Variants in DELE1 observed in about 807,000 individuals in gnomAD.
The protein encoded by DELE1 is DAP3 binding cell death enhancer 1.
A neutral mutation model predicts 59.3 loss-of-function variants in DELE1; 54 were observed. That is an observed-to-expected ratio of 0.91 (90% CI 0.73 to 1.14). The LOEUF (loss-of-function observed/expected upper bound fraction) is 1.14, where lower values mean the gene tolerates loss of function less well. Among genes scored for constraint, DELE1 ranks in the 50% most tolerant of loss-of-function variants. The probability of loss-of-function intolerance (pLI) is 0.00; values close to 1 mark genes in which losing one functional copy is unlikely to be tolerated. For missense variants in DELE1, 636 were observed against 643.9 expected, an observed-to-expected ratio of 0.99 and a Z score of 0.13; for synonymous variants, 264 against 259.1, an observed-to-expected ratio of 1.02 and a Z score of -0.18.
intron 5 of DELE1, 120 bp downstream of exon 5, chr5:141,929,860 G>A (rs959019259): frequency 2.6e-5 from 39 of 1,494,334 alleles, no homozygotes; most frequent in Non-Finnish European, 3.2e-5. Flanking sequence ...TGCCTTGTGA[G>A]GTGATTCAGG....
At position 141,938,344 on chromosome 5, in the gene DELE1, T is replaced by A. The variant is rs537058075; in HGVS notation, c.1310-177T>A. ...TGATGATTTTGTAGGAGAGACAATA[T>A]CCCAAGGTTGCCTGAATTACCCTTC... On this transcript the variant is annotated intron_variant, in intron 11 of 11. Transcript: ENST00000432126. Among the ~76,000 whole-genome samples, 3 of 152,274 alleles carry A rather than the reference T, an allele frequency of 2.0e-5. No individual in the cohort carries two copies. The South Asian group carries it at 6.2e-4, about 32-fold the overall frequency.
At position 141,929,568 on chromosome 5, in the gene DELE1, C is replaced by T; in HGVS notation, c.413-14C>T. On this transcript the variant is annotated splice_polypyrimidine_tract_variant and intron_variant, in intron 4 of 11. Transcript: ENST00000432126. ...CCTGGCCCAGACCTGACTACTCTTG[C>T]TGGCTCTTTCCAGCACTGCGACAAC... 2.5e-6 allele frequency: 4 copies of T among 1,611,994 alleles called. No homozygotes were observed. Among genetic ancestry groups the T allele is most frequent in the Non-Finnish European group, 3.4e-6 (4 of 1,179,320 alleles).
In DELE1 at chr5:141,938,600, A is replaced by G. The variant is rs148507667; in HGVS notation, c.1389A>G (p.Leu463=). Residue 463 remains leucine, a synonymous_variant, in exon 12 of 12, where the codon CTA becomes CTG. Transcript: ENST00000432126. ...SPSLCSLNTL[L]AGTSRLPHAS... The stretch of plus-strand genomic sequence containing the variant: ...CCCTCTGCAGCTTGAACACCCTGCT[A>G]GCAGGAACCTCACGCCTACCACATG... 1.4e-4 allele frequency: 223 copies of G among 1,614,112 alleles called. No homozygotes were observed. The African/African-American group carries it at 2.7e-3, about 19-fold the overall frequency.
rs1328851958 is a variant in DELE1 at position 141,939,008 on chromosome 5, T to C, written c.*249T>C. 3 of 1,319,582 alleles carry C rather than the reference T, an allele frequency of 2.3e-6. No individual in the cohort carries two copies. The allele number at this position is 1,319,582 out of a possible 1,614,324, so 81.7% of individuals were successfully genotyped here. ...GCACCAAAGGATGCATTCAGTGACC[T>C]ATGAAAAACCCTACTGAAGGGTCCA... is the stretch of plus-strand genomic sequence containing the variant. On this transcript the variant is annotated 3_prime_UTR_variant, in exon 12 of 12. Transcript: ENST00000432126.
In DELE1 at chr5:141,941,545, A is replaced by T; in HGVS notation, c.*2786A>T. On this transcript the variant is annotated 3_prime_UTR_variant, in exon 12 of 12. Coordinates refer to ENST00000432126, the MANE Select transcript of DELE1 (RefSeq NM_014773.5). The stretch of plus-strand genomic sequence containing the variant: ...ATTCTGTTATTAATGACTCATCATC[A>T]GTGCCCCAGAGGAAGTGTGAGAGGA... 1.0e-6 allele frequency: 1 copy of T among 985,454 alleles called. No homozygotes were observed. The highest frequency in any genetic ancestry group is 1.2e-6 in the Non-Finnish European group (1 of 829,962). 61.0% of individuals were successfully genotyped at this position (985,454 alleles called of 1,614,324 possible).
intron 7 of DELE1, 27 bp from the exon 8 acceptor site, chr5:141,933,232 G>A (rs1752079822): frequency 6.6e-7 from 1 of 1,504,288 alleles, no homozygotes; most frequent in South Asian, 1.3e-5. Context: ...TGAGGAAGCT[G>A]TGTTTGTGCC....
chr5:141,935,391 C>T (rs533865201), intron 10 of DELE1, among the ~76,000 whole-genome samples: 127 of 152,332 alleles, frequency 8.3e-4, no homozygotes, highest in African/African-American at 2.9e-3. Context: ...TTGCTGTATT[C>T]CTCAAGTGTA....
At position 141,924,645 on chromosome 5, in the gene DELE1, G is replaced by C. The variant is rs772250853; in HGVS notation, c.96G>C (p.Gly32=). 1 of 1,614,096 alleles carries C rather than the reference G, an allele frequency of 6.2e-7. No homozygotes were observed. The highest frequency in any genetic ancestry group is 8.5e-7 in the Non-Finnish European group (1 of 1,179,980). Residue 32 remains glycine, a synonymous_variant, in exon 2 of 12, where the codon GGG becomes GGC. Transcript: ENST00000432126. ...CTCCTAAGTCCACCAGCCCAGATGG[G>C]CCTCAGACTACCTCCTCCACTTTGC... ...RVTPKSTSPD[G]PQTTSSTLLV...
chr5:141,924,442 G>C, intron 1 of DELE1, 139 bp from the exon 2 acceptor site: 2 of 625,402 alleles, frequency 3.2e-6, no homozygotes. Context: ...TTAGTTTATT[G>C]GTTCTGGGGT....
chr5:141,929,968 G>T (rs1213107140), intron 5 of DELE1, 21 bp from the exon 6 acceptor site: 22 of 1,610,076 alleles, frequency 1.4e-5, no homozygotes, highest in Non-Finnish European at 1.9e-5. Flanking sequence ...CCCTGGCCGG[G>T]TGTCGGCCTT....
chr5:141,931,580 G>A (rs1469632329), intron 7 of DELE1, among the ~76,000 whole-genome samples: 1 of 152,168 alleles, frequency 6.6e-6, no homozygotes, highest in Non-Finnish European at 1.5e-5. Context: ...AACAAAACAT[G>A]TCAGTGGCAT....
Position 141,941,576 on chromosome 5 carries a change from G to C in DELE1, c.*2817G>C. The stretch of plus-strand genomic sequence containing the variant: ...CCAGAGGAAGTGTGAGAGGACGAGA[G>C]GGAGGTGGCTCCCATCAGCAGGGCC... On this transcript the variant is annotated 3_prime_UTR_variant, in exon 12 of 12. Coordinates refer to ENST00000432126, the MANE Select transcript of DELE1 (RefSeq NM_014773.5). The C allele has an allele frequency of 1.0e-6, 1 of 985,454 alleles. No individual in the cohort carries two copies. The highest frequency in any genetic ancestry group is 1.2e-6 in the Non-Finnish European group (1 of 829,992). 61.0% of individuals were successfully genotyped at this position (985,454 alleles called of 1,614,324 possible).
rs151239778 is a variant in DELE1 at position 141,933,354 on chromosome 5, G to A, written c.850G>A (p.Gly284Ser). Residue 284 changes from glycine (G) to serine (S), a missense_variant, in exon 8 of 12, where the codon GGC (glycine) becomes AGC (serine). Gly to Ser is a moderately conservative substitution (Grantham distance 56). Coordinates refer to ENST00000432126, the MANE Select transcript of DELE1 (RefSeq NM_014773.5). ...CTACAGCAAAGCGCAGTACAATGCG[G>A]GCTTGTGTCATGAGCATGGCAGAGG... Reference protein sequence around the residue: ...RGYSKAQYNAGLCHEHGRGTP... With the variant: ...RGYSKAQYNASLCHEHGRGTP... 6 of 1,533,316 alleles carry A rather than the reference G, an allele frequency of 3.9e-6. No individual in the cohort carries two copies. The highest frequency in any genetic ancestry group is 1.4e-5 in the African/African-American group (1 of 72,744). 95.0% of individuals were successfully genotyped at this position (1,533,316 alleles called of 1,614,324 possible). A position where few individuals can be genotyped will look rare whatever the true frequency, so the allele number is the denominator to read the frequency against.
At position 141,939,950 on chromosome 5, in the gene DELE1, A is replaced by C. The variant is rs1308638633; in HGVS notation, c.*1191A>C. 1.1e-6 allele frequency: 1 copy of C among 941,310 alleles called. No individual in the cohort carries two copies. The highest frequency in any genetic ancestry group is 1.3e-6 in the Non-Finnish European group (1 of 790,188). The allele number at this position is 941,310 out of a possible 1,614,324, so 58.3% of individuals were successfully genotyped here. A position where few individuals can be genotyped will look rare whatever the true frequency, so the allele number is the denominator to read the frequency against. On this transcript the variant is annotated 3_prime_UTR_variant, in exon 12 of 12. Coordinates refer to ENST00000432126, the MANE Select transcript of DELE1 (RefSeq NM_014773.5). ...CCAGGGTGAGGACCTGGGCCTCCTG[A>C]CTCCTGGCCCAGAGTTCTTGTCCAT...
chr5:141,941,077 T>A lies in DELE1; in HGVS notation c.*2318T>A, dbSNP rs1180507467. 3 of 985,334 alleles carry A rather than the reference T, an allele frequency of 3.0e-6. No homozygotes were observed. The African/African-American group carries it at 5.2e-5, about 17-fold the overall frequency. The allele number at this position is 985,334 out of a possible 1,614,324, so 61.0% of individuals were successfully genotyped here. Reference sequence around the variant, plus strand: ...GCTTTTGAGCCTTCCTGGGGCACCCTCTGCGTGAAATGTCACCGTGTGCCC... The same window carrying A: ...GCTTTTGAGCCTTCCTGGGGCACCCACTGCGTGAAATGTCACCGTGTGCCC... On this transcript the variant is annotated 3_prime_UTR_variant, in exon 12 of 12. Transcript: ENST00000432126.
At chr5:141,924,025 G>A (rs948203484) in intron 1 of DELE1, 53 bp downstream of exon 1, 2 of 1,586,312 alleles carry the variant, frequency 1.3e-6, no homozygotes, top group Non-Finnish European at 1.7e-6. Flanking sequence ...GACCGAACTG[G>A]AGTGGGGGCG....
In DELE1 at chr5:141,939,760, G is replaced by C. The variant is rs1752628491; in HGVS notation, c.*1001G>C. 2 of 917,422 alleles carry C rather than the reference G, an allele frequency of 2.2e-6. No homozygotes were observed. The highest frequency in any genetic ancestry group is 5.0e-5 in the South Asian group (1 of 19,834). The allele number at this position is 917,422 out of a possible 1,614,324, so 56.8% of individuals were successfully genotyped here. ...CCATGTCACCTTGAAGCTGTGACCT[G>C]ACTCCCTATATTGTTTCCTCAGTTG... On this transcript the variant is annotated 3_prime_UTR_variant, in exon 12 of 12. Transcript: ENST00000432126.
intron 11 of DELE1, 85 bp downstream of exon 11, chr5:141,937,442 C>T (rs972146965): frequency 1.0e-5 from 15 of 1,481,432 alleles, no homozygotes; most frequent in Middle Eastern, 4.9e-4. Flanking sequence ...AGTCTCTGGT[C>T]TCCTAGTCAT....
chr5:141,930,133 C>A, intron 6 of DELE1, 45 bp from the exon 7 acceptor site: 2 of 1,605,684 alleles, frequency 1.2e-6, no homozygotes, highest in Non-Finnish European at 1.7e-6. Context: ...AGGTGGCAAT[C>A]CTGGTAAACC....
Sources: allele counts gnomAD v4.1 joint callset (sites outside exome capture counted in the v4.1 genomes callset), GRCh38; gene constraint gnomAD v4.1.1; transcripts MANE v1.5; gene names NCBI Gene and HGNC (gene_info 2026-07-23, HGNC 2026-07-21).